RNASEK: variants seen among roughly 807,000 people sequenced by gnomAD.
RNASEK encodes ribonuclease K, also known as ribonuclease kappa.
In RNASEK, 7 loss-of-function variants were observed where a neutral mutation model predicts 11.2. That is an observed-to-expected ratio of 0.62 (90% CI 0.35 to 1.17). RNASEK has a LOEUF of 1.17. RNASEK is among the 50% of genes most tolerant of loss of function. The pLI is 0.02. For synonymous variants in RNASEK, 46 were observed against 49.5 expected, an observed-to-expected ratio of 0.93 and a Z score of 0.30; for missense variants, 101 against 126.7, an observed-to-expected ratio of 0.80 and a Z score of 0.97.
chr17:7,013,202 C>A, intron 1 of RNASEK: 1 of 730,648 alleles, frequency 1.4e-6, no homozygotes, highest in Admixed American at 2.9e-5. Flanking sequence ...GTGGAGACCC[C>A]TCAAGGTAGG....
intron 1 of RNASEK, 101 bp downstream of exon 1, chr17:7,012,862 G>C (rs553549303): frequency 1.9e-5 from 20 of 1,066,158 alleles, no homozygotes; most frequent in Non-Finnish European, 1.4e-5. Context: ...GGCCGGAGGG[G>C]CCGGGGATCT....
chr17:7,013,137 A>C, intron 1 of RNASEK: 1 of 482,046 alleles, frequency 2.1e-6, no homozygotes, highest in South Asian at 2.4e-5. Flanking sequence ...AAGAAAAAGA[A>C]AAAAGGGAAC....
chr17:7,012,914 G>A (rs1000296550), intron 1 of RNASEK, 153 bp downstream of exon 1: 4 of 665,728 alleles, frequency 6.0e-6, no homozygotes, highest in Non-Finnish European at 1.0e-5. Flanking sequence ...TGAAAAATGG[G>A]AACTGTTCGA....
At position 7,012,741 on chromosome 17, in the gene RNASEK, G is replaced by A; in HGVS notation, c.58G>A (p.Ala20Thr). Residue 20 changes from alanine (A) to threonine (T), a missense_variant, in exon 1 of 3, where the codon GCC becomes ACC. Ala to Thr is a moderately conservative substitution (Grantham distance 58, BLOSUM62 0). Coordinates refer to ENST00000593646, the MANE Select transcript of RNASEK (RefSeq NM_001004333.5). ...GGCCGCCTGCGGCATCGTCCTCAGCGCCTGGGGAGTGATCATGTTGGTGAG... is the reference window on the plus strand; with the variant it reads ...GGCCGCCTGCGGCATCGTCCTCAGCACCTGGGGAGTGATCATGTTGGTGAG... ...KLAACGIVLS[A>T]WGVIMLIMLG... is the part of the protein sequence containing the mutation. The A allele has an allele frequency of 1.2e-6, 2 of 1,613,136 alleles. No homozygotes were observed. The highest frequency in any genetic ancestry group is 1.7e-6 in the Non-Finnish European group (2 of 1,179,788).
chr17:7,013,392 TC>T (rs1301065933), intron 1 of RNASEK: 1 of 1,535,636 alleles, frequency 6.5e-7, no homozygotes, highest in African/African-American at 1.4e-5. Context: ...TTCCGCACTG[TC>T]CCGTGATGAT....
At chr17:7,013,345 G>T (rs936252488) in intron 1 of RNASEK, 19 of 1,525,716 alleles carry the variant, frequency 1.2e-5, no homozygotes, top group Non-Finnish European at 1.7e-5. Flanking sequence ...ACTTCAAGAA[G>T]AAATGATATG....
At position 7,012,647 on chromosome 17, in the gene RNASEK, C is replaced by A. The variant is rs772160846; in HGVS notation, c.-37C>A. On this transcript the variant is annotated 5_prime_UTR_variant, in exon 1 of 3. Transcript: ENST00000593646. ...GGGCTTTCTCCCACCGCTTTCCGAG[C>A]CCGCTTGCACCTCGGCGATCCCCGA... The A allele has an allele frequency of 1.2e-6, 2 of 1,609,714 alleles. No homozygotes were observed. The highest frequency in any genetic ancestry group is 1.7e-6 in the Non-Finnish European group (2 of 1,179,494).
Position 7,014,400 on chromosome 17 carries a change from G to A in RNASEK, c.*114G>A, listed in dbSNP as rs752751337. The A allele has an allele frequency of 3.6e-6, 4 of 1,114,392 alleles. No homozygotes were observed. Among genetic ancestry groups the A allele is most frequent in the Admixed American group, 2.2e-5 (1 of 45,038 alleles). 69.0% of individuals were successfully genotyped at this position (1,114,392 alleles called of 1,614,324 possible). A position where few individuals can be genotyped will look rare whatever the true frequency, so the allele number is the denominator to read the frequency against. The stretch of plus-strand genomic sequence containing the variant: ...CGCCCTCTGCGGGACTGGGTTTCCC[G>A]GGCGAGAGACTGAATCCCTTCTCCC... On this transcript the variant is annotated 3_prime_UTR_variant, in exon 3 of 3. Transcript: ENST00000593646. The surrounding 1 kb of genome is among the most constrained non-coding windows in gnomAD (Gnocchi z 4.5).
intron 1 of RNASEK, 188 bp downstream of exon 1, chr17:7,012,949 A>G (rs143777840): frequency 1.9e-5 from 11 of 592,874 alleles, no homozygotes; most frequent in African/African-American, 1.7e-4. Flanking sequence ...ACATGGTGAA[A>G]CCCCGTCTCC....
Position 7,014,441 on chromosome 17 carries a change from C to A in RNASEK, c.*155C>A, listed in dbSNP as rs757075567. The A allele has an allele frequency of 8.3e-5, 65 of 783,512 alleles. No homozygotes were observed. In the Admixed American group the frequency reaches 1.7e-3, roughly 20 times the overall value. The allele number at this position is 783,512 out of a possible 1,614,324, so 48.5% of individuals were successfully genotyped here. On this transcript the variant is annotated 3_prime_UTR_variant, in exon 3 of 3. Coordinates refer to ENST00000593646, the MANE Select transcript of RNASEK (RefSeq NM_001004333.5). The surrounding 1 kb of genome is among the most constrained non-coding windows in gnomAD (Gnocchi z 4.5). ...CCCTTCTCCCATCTCTGGCATCCGG[C>A]CCCCGTGGAGAGGGCTGAGGCTGGG...
At chr17:7,013,811 C>T (rs937867097) in intron 2 of RNASEK, 69 bp downstream of exon 2, 91 of 1,239,238 alleles carry the variant, frequency 7.3e-5, no homozygotes, top group Admixed American at 6.1e-4. Context: ...GTCAGAATTA[C>T]GTCTGGGAGG....
chr17:7,013,050 G>C, intron 1 of RNASEK: 1 of 463,910 alleles, frequency 2.2e-6, no homozygotes, highest in Non-Finnish European at 3.9e-6. Context: ...GCTTGAATCC[G>C]GGAGGCGGAG....
chr17:7,013,239 G>A (rs2151652038), intron 1 of RNASEK: 3 of 1,105,760 alleles, frequency 2.7e-6, no homozygotes, highest in Admixed American at 5.1e-5. Flanking sequence ...TGCCTGAGAG[G>A]TGCTTGAGTT....
intron 2 of RNASEK, 43 bp downstream of exon 2, chr17:7,013,785 G>C: frequency 7.1e-7 from 1 of 1,414,784 alleles, no homozygotes; most frequent in African/African-American, 1.4e-5. Flanking sequence ...GCAGGTGGGA[G>C]GTGGCGAGGC....
intron 1 of RNASEK, chr17:7,013,191 G>C: frequency 1.6e-6 from 1 of 643,864 alleles, no homozygotes; most frequent in Non-Finnish European, 2.6e-6. Flanking sequence ...GGCTGGTAAA[G>C]GTGGAGACCC....
intron 1 of RNASEK, 64 bp from the exon 2 acceptor site, chr17:7,013,602 G>C: frequency 6.3e-7 from 1 of 1,595,918 alleles, no homozygotes; most frequent in Non-Finnish European, 8.6e-7. Flanking sequence ...AATGGGAGGG[G>C]TTTACGAAGT....
Position 7,014,515 on chromosome 17 carries a change from G to C in RNASEK, c.*229G>C. 1.6e-6 allele frequency: 1 copy of C among 612,228 alleles called. No individual in the cohort carries two copies. The highest frequency in any genetic ancestry group is 2.9e-6 in the Non-Finnish European group (1 of 347,852). 37.9% of individuals were successfully genotyped at this position (612,228 alleles called of 1,614,324 possible). A position where few individuals can be genotyped will look rare whatever the true frequency, so the allele number is the denominator to read the frequency against. ...TCGCTGTGTCCCGTATCTCAATAAA[G>C]AGAATCTGCTCTCTTCAGCCCTGTG... On this transcript the variant is annotated 3_prime_UTR_variant, in exon 3 of 3. Coordinates refer to ENST00000593646, the MANE Select transcript of RNASEK (RefSeq NM_001004333.5). This position sits in a 1 kb window ranked among gnomAD's most constrained non-coding sequence, Gnocchi z 4.5.
chr17:7,013,032 G>C (rs1909527540), intron 1 of RNASEK: 2 of 487,534 alleles, frequency 4.1e-6, no homozygotes, highest in Non-Finnish European at 7.3e-6. Flanking sequence ...GGCTGAGGCA[G>C]GAGAATCGCT....
At chr17:7,013,634 A>G in intron 1 of RNASEK, 32 bp from the exon 2 acceptor site, 1 of 1,604,770 alleles carries the variant, frequency 6.2e-7, no homozygotes. Context: ...CAGGTGCCTG[A>G]ATTCAACAGT....
Sources: allele counts gnomAD v4.1 joint callset, GRCh38; gene constraint gnomAD v4.1.1; non-coding constraint Gnocchi (gnomAD v3.1); transcripts MANE v1.5; gene names NCBI Gene and HGNC (gene_info 2026-07-23, HGNC 2026-07-21).